NUP133: variants seen among roughly 807,000 people sequenced by gnomAD.
The protein encoded by NUP133 is nuclear pore complex protein Nup133.
Under a neutral mutation model 146.2 loss-of-function variants are expected in NUP133, and 66 were observed. The observed-to-expected ratio is 0.45, with a 90% CI of 0.37 to 0.55. The LOEUF is 0.55. Ranked by LOEUF, NUP133 falls within the 20% of genes least tolerant of loss-of-function variation. The pLI, the probability that NUP133 is intolerant of heterozygous loss-of-function variation, is 0.00. For missense variants in NUP133, 1,277 were observed against 1,374.8 expected, an observed-to-expected ratio of 0.93 and a Z score of 1.12; for synonymous variants, 521 against 498.8, an observed-to-expected ratio of 1.04 and a Z score of -0.59.
Position 229,464,773 on chromosome 1 carries a change from A to T in NUP133, c.2402T>A (p.Val801Glu), listed in dbSNP as rs1660773322. Residue 801 changes from valine (V) to glutamate (E), a missense_variant, in exon 18 of 26, where the codon GTG (valine) becomes GAG (glutamate). This residue lies in a region of NUP133 where 952 missense variants were observed against 1,047.0 expected (regional missense o/e 0.91). Coordinates refer to ENST00000261396, the MANE Select transcript of NUP133 (RefSeq NM_018230.3). ...GATCAGGGCTACCAGCTGCTCGGTC[A>T]CGATGTTTCGGAGGTTGCTGTCTGC... The part of the protein sequence containing the change: ...PQADSNLRNI[V>E]TEQLVALIDC... 6.2e-7 allele frequency: 1 copy of T among 1,614,100 alleles called. No homozygotes were observed. The highest frequency in any genetic ancestry group is 8.5e-7 in the Non-Finnish European group (1 of 1,180,036).
At chr1:229,507,173 G>A (rs1000937972) in intron 1 of NUP133, among the ~76,000 whole-genome samples, 3 of 151,950 alleles carry the variant, frequency 2.0e-5, no homozygotes, top group African/African-American at 4.8e-5. Context: ...AAAAGGAATA[G>A]AAAACACTGA....
chr1:229,490,439 G>A (rs561197004), intron 8 of NUP133, among the ~76,000 whole-genome samples: 3 of 151,516 alleles, frequency 2.0e-5, no homozygotes, highest in East Asian at 1.9e-4. Context: ...AATTTGAAGT[G>A]TATTATGCTA....
At chr1:229,487,203 C>T (rs935465683) in intron 10 of NUP133, among the ~76,000 whole-genome samples, 3 of 152,148 alleles carry the variant, frequency 2.0e-5, no homozygotes, top group Non-Finnish European at 2.9e-5. Flanking sequence ...AATTACTTCT[C>T]TTGGCAATAG....
Position 229,466,746 on chromosome 1 carries a change from A to G in NUP133, c.2087T>C (p.Val696Ala). 1 of 1,613,944 alleles carries G rather than the reference A, an allele frequency of 6.2e-7. No homozygotes were observed. Among genetic ancestry groups the G allele is most frequent in the Non-Finnish European group, 8.5e-7 (1 of 1,179,854 alleles). ...CAGTAAGCACTCACAGATGGTATCT[A>G]CTTGGGATACCTGAGAGAATACACA... ...ADVFFREVSQ[V>A]DTICECLLEH... Residue 696 changes from valine (V) to alanine (A), a missense_variant, in exon 16 of 26, where the codon GTA becomes GCA. Coordinates refer to ENST00000261396, the MANE Select transcript of NUP133 (RefSeq NM_018230.3).
intron 1 of NUP133, among the ~76,000 whole-genome samples, chr1:229,506,717 G>A (rs979247476): frequency 6.6e-6 from 1 of 151,416 alleles, no homozygotes. Flanking sequence ...GACCAGCCTG[G>A]GGAACGTGGC....
chr1:229,495,650 G>A, intron 7 of NUP133, 85 bp from the exon 8 acceptor site: 2 of 1,048,118 alleles, frequency 1.9e-6, no homozygotes, highest in African/African-American at 1.6e-5. Flanking sequence ...CTAGTGAAGT[G>A]CTTCACCCAT....
chr1:229,465,137 T>C (rs16849797), intron 17 of NUP133, among the ~76,000 whole-genome samples: 4,626 of 152,252 alleles, frequency 0.03, 234 homozygotes, highest in African/African-American at 0.1. Context: ...TAAATCAACA[T>C]AAAATATAGT....
chr1:229,475,426 G>A (rs886070849), intron 14 of NUP133, among the ~76,000 whole-genome samples: 7 of 152,180 alleles, frequency 4.6e-5, no homozygotes, highest in African/African-American at 7.2e-5. Context: ...AAACGCACAC[G>A]GGAAATCTGA....
intron 2 of NUP133, among the ~76,000 whole-genome samples, chr1:229,505,000 T>C (rs531182365): frequency 8.5e-4 from 129 of 152,292 alleles, no homozygotes; most frequent in Non-Finnish European, 1.5e-3. Flanking sequence ...CAACACAAGT[T>C]TGTAAACTTT....
chr1:229,448,036 A>C (rs887634591), intron 24 of NUP133, among the ~76,000 whole-genome samples: 6 of 152,206 alleles, frequency 3.9e-5, no homozygotes, highest in Admixed American at 1.3e-4. Flanking sequence ...TTATACACTA[A>C]TTACAAAGCA....
In NUP133 at chr1:229,506,630, G is replaced by C. The variant is rs79559330; in HGVS notation, c.183-472C>G. On this transcript the variant is annotated intron_variant, in intron 1 of 25. Transcript: ENST00000261396. ...GCTTAAGAGTCCACCAGACCTGGCC[G>C]GAGCAGTGGCTCATGTCTATAATCT... 2.6e-5 allele frequency among the ~76,000 whole-genome samples: 4 copies of C among 151,864 alleles called. No individual in the cohort carries two copies. The South Asian group carries it at 8.3e-4, about 32-fold the overall frequency.
At chr1:229,499,003 A>T (rs1196550542) in intron 5 of NUP133, among the ~76,000 whole-genome samples, 1 of 152,094 alleles carries the variant, frequency 6.6e-6, no homozygotes, top group Non-Finnish European at 1.5e-5. Flanking sequence ...GGCTCAAGAG[A>T]TCCTCTTGCC....
At chr1:229,450,465 T>G in intron 23 of NUP133, 60 bp downstream of exon 23, 20 of 808,802 alleles carry the variant, frequency 2.5e-5, no homozygotes, top group Non-Finnish European at 3.8e-5. Flanking sequence ...AAAAGAGGGA[T>G]CTCCCTCTTT....
At chr1:229,452,838 T>C (rs1467481218) in intron 21 of NUP133, among the ~76,000 whole-genome samples, 195 bp from the exon 22 acceptor site, 3 of 152,196 alleles carry the variant, frequency 2.0e-5, no homozygotes, top group Non-Finnish European at 4.4e-5. Flanking sequence ...AACATATCCA[T>C]GGTTTGATCA....
chr1:229,487,469 G>C lies in NUP133; in HGVS notation c.1339C>G (p.Gln447Glu). 6.2e-7 allele frequency: 1 copy of C among 1,612,870 alleles called. No individual in the cohort carries two copies. Among genetic ancestry groups the C allele is most frequent in the African/African-American group, 1.3e-5 (1 of 74,958 alleles). Residue 447 changes from glutamine to glutamate, a missense_variant, in exon 10 of 26, where the codon CAA (glutamine) becomes GAA (glutamate). Physicochemically the swap from Gln to Glu is conservative, Grantham distance 29. Coordinates refer to ENST00000261396, the MANE Select transcript of NUP133 (RefSeq NM_018230.3). ...CTTTCTAAAACTGCTACTGTACCTT[G>C]TGCATTAAAGACAATTTTCTCCTGG... The part of the protein sequence containing the change: ...LPQEKIVFNA[Q>E]GDSVLGAGAC...
At chr1:229,485,293 A>C (rs985042636) in intron 11 of NUP133, among the ~76,000 whole-genome samples, 1 of 152,228 alleles carries the variant, frequency 6.6e-6, no homozygotes, top group African/African-American at 2.4e-5. Flanking sequence ...TGCAGAGGAC[A>C]GGTCCTGAGG....
At position 229,506,126 on chromosome 1, in the gene NUP133, G is replaced by A. The variant is rs1661929236; in HGVS notation, c.215C>T (p.Ser72Phe). The change falls in exon 2 of 26, where the codon TCC becomes TTC. Residue 72 changes from serine to phenylalanine, a missense_variant. Around this residue, in one of 3 missense-constraint regions of NUP133, gnomAD observed 319 missense variants for 306.9 expected, o/e 1.04. Transcript: ENST00000261396. Reference sequence around the variant, plus strand: ...ATCATAGTTCACAGACTCAGTTATGGAGTGGTGTGGGAACATTCGTGTTGG... The same window carrying A: ...ATCATAGTTCACAGACTCAGTTATGAAGTGGTGTGGGAACATTCGTGTTGG... ...GTPTRMFPHH[S>F]ITESVNYDVK... 6.2e-7 allele frequency: 1 copy of A among 1,612,616 alleles called. No individual in the cohort carries two copies. The highest frequency in any genetic ancestry group is 1.3e-5 in the African/African-American group (1 of 74,862).
chr1:229,498,048 A>G (rs1246439089), intron 6 of NUP133, 88 bp downstream of exon 6: 4 of 924,588 alleles, frequency 4.3e-6, no homozygotes, highest in Non-Finnish European at 6.3e-6. Context: ...TACTGTCCAT[A>G]TGGAGGAATA....
intron 22 of NUP133, among the ~76,000 whole-genome samples, chr1:229,451,882 A>G (rs1475831326): frequency 5.3e-5 from 8 of 152,262 alleles, no homozygotes; most frequent in Admixed American, 2.0e-4. Flanking sequence ...GAGTTACAAT[A>G]GAGAGTAACT....
Sources: allele counts gnomAD v4.1 joint callset (sites outside exome capture counted in the v4.1 genomes callset), GRCh38; gene constraint gnomAD v4.1.1; regional missense constraint gnomAD v4.1.1; transcripts MANE v1.5; gene names NCBI Gene and HGNC (gene_info 2026-07-23, HGNC 2026-07-21).